FBXL4: variants seen among roughly 807,000 people sequenced by gnomAD.
FBXL4 encodes F-box and leucine rich repeat protein 4, also known as F-box/LRR-repeat protein 4.
A neutral mutation model predicts 58.9 loss-of-function variants in FBXL4; 40 were observed. The ratio of observed to expected loss-of-function variants is 0.68; its 90% confidence interval spans 0.53 to 0.88. The LOEUF (loss-of-function observed/expected upper bound fraction) is 0.88. Among genes scored for constraint, FBXL4 ranks in the 40% least tolerant of loss-of-function variants. The probability of loss-of-function intolerance (pLI) is 0.00; values close to 1 mark genes in which losing one functional copy is unlikely to be tolerated. For missense variants in FBXL4, 676 were observed against 734.4 expected (o/e 0.92, Z 0.92); for synonymous variants, 263 against 265.5 (o/e 0.99, Z 0.09).
rs1770462311 is a variant in FBXL4 at position 98,870,457 on chromosome 6, C to T, written c.*3821G>A. The T allele has an allele frequency of 6.6e-6, 1 of 152,172 alleles. No individual in the cohort carries two copies. Among genetic ancestry groups the T allele is most frequent in the Admixed American group, 6.5e-5 (1 of 15,282 alleles). 9.4% of individuals were successfully genotyped at this position (152,172 alleles called of 1,614,324 possible). A position where few individuals can be genotyped will look rare whatever the true frequency, so the allele number is the denominator to read the frequency against. The stretch of plus-strand genomic sequence containing the variant: ...CCACACTCATTCGTTTAGGTACTGT[C>T]TATGATTGCTTTCACATTAGAATGG... On this transcript the variant is annotated 3_prime_UTR_variant, in exon 10 of 10. Transcript: ENST00000369244.
At chr6:98,879,992 T>G (rs1770794727) in intron 8 of FBXL4, among the ~76,000 whole-genome samples, 1 of 149,106 alleles carries the variant, frequency 6.7e-6, no homozygotes, top group Non-Finnish European at 1.5e-5. Flanking sequence ...GAAGCTTATC[T>G]AGTCCAACAG....
rs1299457710 is a variant in FBXL4, at chr6:98,874,373, C to T, written c.1771G>A (p.Asp591Asn). 1 of 1,613,248 alleles carries T rather than the reference C, an allele frequency of 6.2e-7. No homozygotes were observed. The highest frequency in any genetic ancestry group is 1.1e-5 in the South Asian group (1 of 91,018). ...TCAATCTGCGAACAGAAGGACACAT[C>T]AAGTAAAGAAAGATCTTTACAAGAT... ...LESCKDLSLL[D>N]VSFCSQIDNR... The change falls in exon 10 of 10, where the codon GAT (aspartate) becomes AAT (asparagine). Residue 591 changes from aspartate (D) to asparagine (N), a missense_variant. Coordinates refer to ENST00000369244, the MANE Select transcript of FBXL4 (RefSeq NM_001278716.2).
At chr6:98,907,497 G>A (rs1388716313) in intron 5 of FBXL4, among the ~76,000 whole-genome samples, 1 of 152,180 alleles carries the variant, frequency 6.6e-6, no homozygotes, top group Non-Finnish European at 1.5e-5. Context: ...CAGAATTCAA[G>A]AGATTGTTAT....
intron 6 of FBXL4, among the ~76,000 whole-genome samples, chr6:98,901,637 A>G (rs1333687532): frequency 6.6e-6 from 1 of 152,064 alleles, no homozygotes; most frequent in Non-Finnish European, 1.5e-5. Flanking sequence ...ATATCCTCAT[A>G]TTATCTCTAC....
intron 6 of FBXL4, among the ~76,000 whole-genome samples, chr6:98,899,813 A>C (rs955628173): frequency 2.6e-5 from 4 of 152,198 alleles, no homozygotes; most frequent in South Asian, 2.1e-4. Context: ...AAAACAAAAA[A>C]AAACAGCAAA....
chr6:98,911,533 G>A (rs929238333), intron 5 of FBXL4, among the ~76,000 whole-genome samples: 14 of 152,136 alleles, frequency 9.2e-5, no homozygotes, highest in Admixed American at 5.2e-4. Context: ...GAAAATCTGC[G>A]GTTCTGCAGA....
rs1045002743 is a variant in FBXL4 at position 98,917,716 on chromosome 6, C to A, written c.516G>T (p.Trp172Cys). The change falls in exon 5 of 10, where the codon TGG becomes TGT. Residue 172 changes from tryptophan to cysteine, a missense_variant. Transcript: ENST00000369244. ...TAGGTCTCTCTGACCAAAGAATCTCCCATCTGCCAAAAAAAGAAACTTCCC... is the reference window on the plus strand; with the variant it reads ...TAGGTCTCTCTGACCAAAGAATCTCACATCTGCCAAAAAAAGAAACTTCCC... ...YSPNPPAEVR[W>C]EILWSERPTK... 6.3e-7 allele frequency: 1 copy of A among 1,583,674 alleles called. No homozygotes were observed. Among genetic ancestry groups the A allele is most frequent in the Admixed American group, 1.9e-5 (1 of 53,530 alleles).
chr6:98,895,481 A>G (rs551839759), intron 7 of FBXL4, among the ~76,000 whole-genome samples: 1 of 152,318 alleles, frequency 6.6e-6, no homozygotes, highest in East Asian at 1.9e-4. Context: ...TTTTAGGTAA[A>G]TAGCCAAGCT....
chr6:98,929,867 G>A (rs1157692948), intron 2 of FBXL4, among the ~76,000 whole-genome samples: 1 of 152,126 alleles, frequency 6.6e-6, no homozygotes, highest in Non-Finnish European at 1.5e-5. Context: ...CTAAGGCAAT[G>A]GGGGGAAAGT....
rs374114762 is a variant in FBXL4 at position 98,905,414 on chromosome 6, C to T, written c.1103+12G>A. The T allele has an allele frequency of 2.5e-5, 40 of 1,612,520 alleles. No homozygotes were observed. Among genetic ancestry groups the T allele is most frequent in the Non-Finnish European group, 3.1e-5 (37 of 1,178,750 alleles). ...GGGGGGGAAAAAAACTTCATCAAGG[C>T]TTTGTACTAACCTGCTAAATCCTGC... On this transcript the variant is annotated intron_variant, in intron 6 of 9. Coordinates refer to ENST00000369244, the MANE Select transcript of FBXL4 (RefSeq NM_001278716.2).
At chr6:98,928,389 C>T (rs1772874529) in intron 2 of FBXL4, among the ~76,000 whole-genome samples, 1 of 151,690 alleles carries the variant, frequency 6.6e-6, no homozygotes, top group East Asian at 1.9e-4. Context: ...AGTGCCCTGG[C>T]GCAATCTCGG....
intron 5 of FBXL4, among the ~76,000 whole-genome samples, chr6:98,914,722 C>G (rs375246199): frequency 6.2e-4 from 95 of 152,188 alleles, no homozygotes; most frequent in African/African-American, 1.4e-3. Context: ...ATACTGAATG[C>G]GCAAAAACTG....
At chr6:98,934,938 A>C (rs922535352) in intron 1 of FBXL4, 59 bp from the exon 2 acceptor site, 1 of 152,262 alleles carries the variant, frequency 6.6e-6, no homozygotes, top group Non-Finnish European at 1.5e-5. Context: ...CTCTTCGAGG[A>C]ATCAAGGTAG....
Position 98,917,544 on chromosome 6 carries a change from C to A in FBXL4, c.688G>T (p.Asp230Tyr). 1 of 1,614,026 alleles carries A rather than the reference C, an allele frequency of 6.2e-7. No individual in the cohort carries two copies. Among genetic ancestry groups the A allele is most frequent in the Non-Finnish European group, 8.5e-7 (1 of 1,179,912 alleles). The change falls in exon 5 of 10, where the codon GAC (aspartate) becomes TAC (tyrosine). Residue 230 changes from aspartate (D) to tyrosine (Y), a missense_variant. By Grantham distance (160) the Asp-to-Tyr change is radical (BLOSUM62 -3). Coordinates refer to ENST00000369244, the MANE Select transcript of FBXL4 (RefSeq NM_001278716.2). Reference sequence around the variant, plus strand: ...GTCTTGAGAGAAAGCACTGGCTTGTCCTTCACACCATGTAGCACAACTGCA... The same window carrying A: ...GTCTTGAGAGAAAGCACTGGCTTGTACTTCACACCATGTAGCACAACTGCA... Reference protein sequence around the residue: ...LDAVVLHGVKDKPVLSLKTSL... With the variant: ...LDAVVLHGVKYKPVLSLKTSL...
intron 5 of FBXL4, among the ~76,000 whole-genome samples, chr6:98,906,206 G>T (rs1771803387): frequency 6.6e-6 from 1 of 151,344 alleles, no homozygotes; most frequent in African/African-American, 2.4e-5. Flanking sequence ...TTTAAGTTCT[G>T]GGGTACATGT....
chr6:98,879,084 C>T (rs1770755347), intron 8 of FBXL4, among the ~76,000 whole-genome samples: 1 of 152,184 alleles, frequency 6.6e-6, no homozygotes, highest in African/African-American at 2.4e-5. Flanking sequence ...AAGAGGCCTA[C>T]TTAGTCTACA....
chr6:98,947,216 C>CA (rs570637356), intron 1 of FBXL4, among the ~76,000 whole-genome samples: 118 of 152,344 alleles, frequency 7.7e-4, no homozygotes, highest in Non-Finnish European at 1.3e-3. Context: ...CAAGGAAATC[C>CA]AAAACCACCC....
chr6:98,938,763 A>G (rs1301097405), intron 1 of FBXL4, among the ~76,000 whole-genome samples: 4 of 151,380 alleles, frequency 2.6e-5, no homozygotes, highest in African/African-American at 9.7e-5. Context: ...TTTTTTTTCC[A>G]GAATAGGGCA....
intron 4 of FBXL4, among the ~76,000 whole-genome samples, chr6:98,918,684 T>C (rs1772466327): frequency 6.6e-6 from 1 of 152,104 alleles, no homozygotes; most frequent in Admixed American, 6.6e-5. Flanking sequence ...ATTATCACCT[T>C]TTCTCTATTC....
Sources: allele counts gnomAD v4.1 joint callset (sites outside exome capture counted in the v4.1 genomes callset), GRCh38; gene constraint gnomAD v4.1.1; transcripts MANE v1.5; gene names NCBI Gene and HGNC (gene_info 2026-07-23, HGNC 2026-07-21).